DSCAM: variants seen among roughly 807,000 people sequenced by gnomAD.
DSCAM encodes cell adhesion molecule DSCAM.
A neutral mutation model predicts 217.7 loss-of-function variants in DSCAM; 47 were observed. That is an observed-to-expected ratio of 0.22 (90% CI 0.17 to 0.28). DSCAM has a LOEUF of 0.28. Among genes scored for constraint, DSCAM ranks in the 10% least tolerant of loss-of-function variants. The pLI is 1.00. For missense variants in DSCAM, 2,080 were observed against 2,618.3 expected (o/e 0.79, Z 4.49); for synonymous variants, 1,056 against 1,015.3 (o/e 1.04, Z -0.76).
intron 2 of DSCAM, among the ~76,000 whole-genome samples, chr21:40,694,674 T>G (rs2090576719): frequency 6.6e-6 from 1 of 150,438 alleles, no homozygotes; most frequent in Non-Finnish European, 1.5e-5. Flanking sequence ...CGGCATGAGG[T>G]GAAGGTCCAG....
At position 40,620,385 on chromosome 21, in the gene DSCAM, A is replaced by AG. The variant is rs1568942748; in HGVS notation, c.508+72424dup. Among the ~76,000 whole-genome samples, 3 of 95,734 alleles carry AG rather than the reference A, an allele frequency of 3.1e-5. No individual in the cohort carries two copies. The East Asian group carries it at 7.9e-4, about 25-fold the overall frequency. The allele number at this position is 95,734 out of a possible 152,430, so 62.8% of individuals were successfully genotyped here. A position where few individuals can be genotyped will look rare whatever the true frequency, so the allele number is the denominator to read the frequency against. ...AAAAGAAAAAGAAAGAAAGAAAGAA[A>AG]GAGAAAGAAAGAAAGAAAGGAGGGA... On this transcript the variant is annotated intron_variant, in intron 3 of 32. Coordinates refer to ENST00000400454, the MANE Select transcript of DSCAM (RefSeq NM_001389.5).
chr21:40,666,482 C>A (rs1162371273), intron 3 of DSCAM, among the ~76,000 whole-genome samples: 2 of 152,188 alleles, frequency 1.3e-5, no homozygotes, highest in African/African-American at 4.8e-5. Context: ...TAGAATTTTG[C>A]CACACAAATG....
chr21:40,214,204 T>C (rs970332076), intron 11 of DSCAM, among the ~76,000 whole-genome samples: 2 of 152,226 alleles, frequency 1.3e-5, no homozygotes, highest in African/African-American at 4.8e-5. Context: ...CAACTAGTCA[T>C]AGCTATCAGC....
chr21:40,112,669 G>T (rs71242175), intron 20 of DSCAM, among the ~76,000 whole-genome samples: 2,855 of 152,140 alleles, frequency 0.019, 90 homozygotes, highest in African/African-American at 0.065. Context: ...TAGACCGCTA[G>T]CAAGACTAAT....
intron 1 of DSCAM, among the ~76,000 whole-genome samples, chr21:40,770,929 A>G (rs546087980): frequency 2.6e-5 from 4 of 152,348 alleles, no homozygotes; most frequent in African/African-American, 9.6e-5. Context: ...AAAGGGTGCC[A>G]AGGTGAGAAG....
Position 40,600,173 on chromosome 21 carries a change from T to C in DSCAM, c.508+92637A>G, listed in dbSNP as rs558455684. Among the ~76,000 whole-genome samples, 9 of 152,316 alleles carry C rather than the reference T, an allele frequency of 5.9e-5. 1 individual carries two copies. The South Asian group carries it at 1.2e-3, about 21-fold the overall frequency. Reference sequence around the variant, plus strand: ...AATAAAAAGAGCAGAAGTTTTTAAATTGAAGGAAGTCAAACTATCTTAGCT... The same window carrying C: ...AATAAAAAGAGCAGAAGTTTTTAAACTGAAGGAAGTCAAACTATCTTAGCT... On this transcript the variant is annotated intron_variant, in intron 3 of 32. Transcript: ENST00000400454.
At chr21:40,650,374 A>G (rs1327300963) in intron 3 of DSCAM, among the ~76,000 whole-genome samples, 1 of 152,220 alleles carries the variant, frequency 6.6e-6, no homozygotes, top group Non-Finnish European at 1.5e-5. Context: ...GGTTAATTTT[A>G]TGTGTCAACT....
chr21:40,760,765 T>C (rs2091324687), intron 1 of DSCAM, among the ~76,000 whole-genome samples: 1 of 152,210 alleles, frequency 6.6e-6, no homozygotes, highest in Admixed American at 6.5e-5. Context: ...TCTCATGCCA[T>C]ATCTCTGGCT....
intron 16 of DSCAM, among the ~76,000 whole-genome samples, chr21:40,150,100 TA>T (rs1480209704): frequency 6.6e-6 from 1 of 152,178 alleles, no homozygotes; most frequent in Non-Finnish European, 1.5e-5. Flanking sequence ...TTTCTTTCCC[TA>T]AAAAACCCCA....
intron 3 of DSCAM, among the ~76,000 whole-genome samples, chr21:40,580,733 C>A (rs978332155): frequency 6.6e-6 from 1 of 152,082 alleles, no homozygotes; most frequent in Non-Finnish European, 1.5e-5. Context: ...AATCCAAGAC[C>A]AAATGCAGTA....
At chr21:40,404,833 C>T (rs777251704) in intron 3 of DSCAM, among the ~76,000 whole-genome samples, 2 of 152,154 alleles carry the variant, frequency 1.3e-5, no homozygotes, top group Non-Finnish European at 2.9e-5. Flanking sequence ...AAATTCATTT[C>T]CATTTTGATT....
intron 32 of DSCAM, among the ~76,000 whole-genome samples, chr21:40,020,361 CTTCT>C (rs2088241212): frequency 1.3e-5 from 2 of 152,180 alleles, no homozygotes; most frequent in Admixed American, 1.3e-4. Context: ...TCCTTCCTTC[CTTCT>C]TTTCCTTGTT....
At chr21:40,643,592 T>C (rs2089909126) in intron 3 of DSCAM, among the ~76,000 whole-genome samples, 1 of 152,220 alleles carries the variant, frequency 6.6e-6, no homozygotes. Context: ...TCTTTTGCTT[T>C]GCTGTTGGCT....
At chr21:40,179,166 C>G in intron 14 of DSCAM, 72 bp from the exon 15 acceptor site, 1 of 170,208 alleles carries the variant, frequency 5.9e-6, no homozygotes, top group Non-Finnish European at 1.1e-5. Flanking sequence ...TGAAAGTTCA[C>G]AAGTAGGAAT....
chr21:40,555,030 A>AT (rs2076660077), intron 3 of DSCAM, among the ~76,000 whole-genome samples: 1 of 152,262 alleles, frequency 6.6e-6, no homozygotes, highest in Non-Finnish European at 1.5e-5. Context: ...AAATAAAAGA[A>AT]TGAGTGAGTG....
chr21:40,334,747 G>A (rs1227484933), intron 8 of DSCAM, among the ~76,000 whole-genome samples: 3 of 152,024 alleles, frequency 2.0e-5, no homozygotes, highest in Non-Finnish European at 2.9e-5. Context: ...TACTAGACTG[G>A]AAGTATTCTC....
chr21:40,252,361 A>G (rs1365696774), intron 11 of DSCAM, among the ~76,000 whole-genome samples: 2 of 152,132 alleles, frequency 1.3e-5, no homozygotes, highest in East Asian at 1.9e-4. Flanking sequence ...CTGGATTCTT[A>G]GCTTAAGTTA....
Position 40,428,340 on chromosome 21 carries a change from G to A in DSCAM, c.509-59095C>T, listed in dbSNP as rs903231886. 3.3e-5 allele frequency among the ~76,000 whole-genome samples: 5 copies of A among 149,872 alleles called. No homozygotes were observed. In the East Asian group the frequency reaches 6.0e-4, roughly 18 times the overall value. On this transcript the variant is annotated intron_variant, in intron 3 of 32. Coordinates refer to ENST00000400454, the MANE Select transcript of DSCAM (RefSeq NM_001389.5). ...GGCTGGAGGGCAATGGTGCAATCTCGTCTCACTGCAACCTCTGCCTCCCGG... is the reference window on the plus strand; with the variant it reads ...GGCTGGAGGGCAATGGTGCAATCTCATCTCACTGCAACCTCTGCCTCCCGG...
intron 11 of DSCAM, among the ~76,000 whole-genome samples, chr21:40,236,074 A>G (rs2073073971): frequency 6.6e-6 from 1 of 152,184 alleles, no homozygotes; most frequent in African/African-American, 2.4e-5. Flanking sequence ...CCATCTGCAC[A>G]CTTAAATATA....
Sources: gnomAD v4.1 joint callset for allele counts (sites outside exome capture counted in the v4.1 genomes callset) on GRCh38, gnomAD v4.1.1 for gene constraint, MANE v1.5 for transcripts, NCBI Gene and HGNC (gene_info 2026-07-23, HGNC 2026-07-21) for gene names.